Variants in TMEM132D observed in about 807,000 individuals in gnomAD.
The protein encoded by TMEM132D is transmembrane protein 132D.
In TMEM132D, 21 loss-of-function variants were observed where a neutral mutation model predicts 62.3. That is an observed-to-expected ratio of 0.34 (90% CI 0.24 to 0.49). The LOEUF (loss-of-function observed/expected upper bound fraction) is 0.49. Ranked by LOEUF, TMEM132D falls within the 20% of genes least tolerant of loss-of-function variation. TMEM132D has a pLI of 0.99. For synonymous variants in TMEM132D, 621 were observed against 575.6 expected, an observed-to-expected ratio of 1.08 and a Z score of -1.13; for missense variants, 1,346 against 1,402.8, an observed-to-expected ratio of 0.96 and a Z score of 0.65.
chr12:129,875,379 C>A (rs1328604360), intron 1 of TMEM132D, among the ~76,000 whole-genome samples: 4 of 152,174 alleles, frequency 2.6e-5, no homozygotes, highest in Non-Finnish European at 5.9e-5. Context: ...AAACAACAGA[C>A]ATTTATTTCT....
intron 1 of TMEM132D, among the ~76,000 whole-genome samples, chr12:129,823,971 A>T (rs912082912): frequency 1.3e-5 from 2 of 152,166 alleles, no homozygotes; most frequent in African/African-American, 4.8e-5. Flanking sequence ...CCAGGCGTTG[A>T]TGTAGGAAAG....
At chr12:129,786,910 A>T (rs577607990) in intron 1 of TMEM132D, among the ~76,000 whole-genome samples, 4 of 152,122 alleles carry the variant, frequency 2.6e-5, no homozygotes, top group African/African-American at 9.6e-5. Context: ...AGGGAAGGGG[A>T]AGGGGAAGGT....
chr12:129,184,278 C>G (rs554446628), intron 5 of TMEM132D, among the ~76,000 whole-genome samples: 2 of 152,324 alleles, frequency 1.3e-5, no homozygotes, highest in Non-Finnish European at 2.9e-5. Context: ...GAATTCTTTA[C>G]CGCTGATAAA....
intron 5 of TMEM132D, among the ~76,000 whole-genome samples, chr12:129,091,512 C>A (rs1325326281): frequency 1.3e-5 from 2 of 151,500 alleles, no homozygotes; most frequent in Non-Finnish European, 2.9e-5. Context: ...GCTCTGGAGA[C>A]CTTACCTATG....
chr12:129,405,830 T>C (rs1396449249), intron 3 of TMEM132D, among the ~76,000 whole-genome samples: 1 of 152,160 alleles, frequency 6.6e-6, no homozygotes, highest in Non-Finnish European at 1.5e-5. Flanking sequence ...GTGACTGTCC[T>C]TGAATCTTAA....
At chr12:129,559,434 A>G (rs1877153025) in intron 2 of TMEM132D, among the ~76,000 whole-genome samples, 1 of 152,212 alleles carries the variant, frequency 6.6e-6, no homozygotes, top group South Asian at 2.1e-4. Flanking sequence ...AGGAGACGAG[A>G]GGTCTCGTAG....
intron 1 of TMEM132D, among the ~76,000 whole-genome samples, chr12:129,822,693 T>C (rs263301): frequency 0.98 from 149,801 of 152,294 alleles, 73,693 homozygotes; most frequent in Non-Finnish European, 0.99. Context: ...GAAGGCACCT[T>C]CTCACAGGGC....
intron 2 of TMEM132D, among the ~76,000 whole-genome samples, chr12:129,628,920 ATCTCTCTT>A (rs1879287678): frequency 7.1e-6 from 1 of 140,644 alleles, no homozygotes; most frequent in South Asian, 2.3e-4. Flanking sequence ...CTTCATTTCT[ATCTCTCTT>A]TCTCTCTCTC....
intron 1 of TMEM132D, among the ~76,000 whole-genome samples, chr12:129,891,157 CAA>C (rs993884323): frequency 5.9e-5 from 9 of 152,152 alleles, no homozygotes; most frequent in African/African-American, 2.2e-4. Context: ...ACCTTGAAGC[CAA>C]AGTCTCTTTA....
Position 129,189,120 on chromosome 12 carries a change from T to C in TMEM132D, c.1443+20400A>G, listed in dbSNP as rs189433771. On this transcript the variant is annotated intron_variant, in intron 5 of 8. Transcript: ENST00000422113. The stretch of plus-strand genomic sequence containing the variant: ...AGGAATCCAGAAGGGGAAGTGCGTC[T>C]GGCCTTCAGGTCCCCATGAGAGAGG... Among the ~76,000 whole-genome samples, 352 of 151,864 alleles carry C rather than the reference T, an allele frequency of 2.3e-3. 1 individual carries two copies. The highest frequency in any genetic ancestry group is 4.3e-3 in the Non-Finnish European group (293 of 68,028).
chr12:129,774,495 G>C (rs1455041676), intron 1 of TMEM132D, among the ~76,000 whole-genome samples: 1 of 152,158 alleles, frequency 6.6e-6, no homozygotes, highest in East Asian at 1.9e-4. Context: ...TCAAGCAGGT[G>C]GGGGGCCCGT....
intron 4 of TMEM132D, among the ~76,000 whole-genome samples, chr12:129,297,295 G>A (rs1881602227): frequency 6.6e-6 from 1 of 152,190 alleles, no homozygotes; most frequent in Non-Finnish European, 1.5e-5. Flanking sequence ...CTCTCATCCT[G>A]ACCCCCACAG....
intron 1 of TMEM132D, among the ~76,000 whole-genome samples, chr12:129,788,998 G>A (rs1180174127): frequency 6.6e-6 from 1 of 152,136 alleles, no homozygotes; most frequent in South Asian, 2.1e-4. Context: ...GCAACACGGA[G>A]GATTTGGGGT....
chr12:129,788,429 C>A lies in TMEM132D; in HGVS notation c.80-87731G>T, dbSNP rs182861170. Among the ~76,000 whole-genome samples, 4 of 152,302 alleles carry A rather than the reference C, an allele frequency of 2.6e-5. No homozygotes were observed. In the East Asian group the frequency reaches 7.7e-4, roughly 29 times the overall value. ...AATTGTAAGAAACATAAAGAATAAA[C>A]CCATGACCCTCTGATCTCCACTTAA... is the stretch of plus-strand genomic sequence containing the variant. On this transcript the variant is annotated intron_variant, in intron 1 of 8. Transcript: ENST00000422113.
intron 1 of TMEM132D, among the ~76,000 whole-genome samples, chr12:129,826,579 T>C (rs1459051265): frequency 6.6e-6 from 1 of 152,176 alleles, no homozygotes; most frequent in Non-Finnish European, 1.5e-5. Context: ...AACTTTGTAC[T>C]CATGAAGTGC....
intron 4 of TMEM132D, among the ~76,000 whole-genome samples, chr12:129,223,218 G>A (rs2135574564): frequency 6.6e-6 from 1 of 151,840 alleles, no homozygotes; most frequent in South Asian, 2.1e-4. Flanking sequence ...TTGGAACCTA[G>A]CCCCGGAAGT....
intron 4 of TMEM132D, among the ~76,000 whole-genome samples, chr12:129,305,420 C>T (rs1289362135): frequency 1.3e-5 from 2 of 152,130 alleles, no homozygotes; most frequent in African/African-American, 4.8e-5. Flanking sequence ...GGCAAAGGAC[C>T]TCATGCCACC....
chr12:129,622,510 C>G (rs757404133), intron 2 of TMEM132D, among the ~76,000 whole-genome samples: 1 of 152,160 alleles, frequency 6.6e-6, no homozygotes, highest in Admixed American at 6.5e-5. Context: ...TACATCCTAG[C>G]CAGATCTAAC....
intron 5 of TMEM132D, among the ~76,000 whole-genome samples, chr12:129,205,444 G>A (rs1331869999): frequency 6.6e-6 from 1 of 150,460 alleles, no homozygotes; most frequent in Non-Finnish European, 1.5e-5. Flanking sequence ...TATAGTACAT[G>A]GTTCAATTCA....
Sources: allele counts gnomAD v4.1 joint callset (sites outside exome capture counted in the v4.1 genomes callset), GRCh38; gene constraint gnomAD v4.1.1; transcripts MANE v1.5; gene names NCBI Gene and HGNC (gene_info 2026-07-23, HGNC 2026-07-21).